B3GALNT2: variants seen among roughly 807,000 people sequenced by gnomAD.
The protein encoded by B3GALNT2 is UDP-GalNAc:beta-1,3-N-acetylgalactosaminyltransferase 2.
In B3GALNT2, 53 loss-of-function variants were observed where a neutral mutation model predicts 61.1. The observed-to-expected ratio is 0.87, with a 90% confidence interval of 0.70 to 1.09. The LOEUF (loss-of-function observed/expected upper bound fraction) is 1.09, where lower values mean the gene tolerates loss of function less well. Among genes scored for constraint, B3GALNT2 ranks in the 50% least tolerant of loss-of-function variants. B3GALNT2 has a pLI of 0.00. For synonymous variants in B3GALNT2, 223 were observed against 237.4 expected (o/e 0.94, Z 0.56); for missense variants, 544 against 623.0 (o/e 0.87, Z 1.35).
At chr1:235,471,025 T>C in intron 5 of B3GALNT2, 65 bp from the exon 6 acceptor site, 1 of 1,564,900 alleles carries the variant, frequency 6.4e-7, no homozygotes, top group Non-Finnish European at 8.7e-7. Flanking sequence ...TTAAGTATGC[T>C]TTCAGGCAAG....
At chr1:235,475,100 G>A (rs756819983) in intron 5 of B3GALNT2, among the ~76,000 whole-genome samples, 6 of 146,144 alleles carry the variant, frequency 4.1e-5, no homozygotes, top group Non-Finnish European at 9.0e-5. Context: ...CCAGGTTCAA[G>A]TGATTCTCCT....
chr1:235,466,921 T>C (rs571308797), intron 6 of B3GALNT2, among the ~76,000 whole-genome samples: 7 of 152,198 alleles, frequency 4.6e-5, no homozygotes, highest in African/African-American at 7.2e-5. Context: ...TTCTACACCT[T>C]CATTTAATCA....
Position 235,492,984 on chromosome 1 carries a change from G to A in B3GALNT2, c.260+1697C>T, listed in dbSNP as rs75091411. Among the ~76,000 whole-genome samples, 3 of 152,328 alleles carry A rather than the reference G, an allele frequency of 2.0e-5. No homozygotes were observed. In the East Asian group the frequency reaches 5.8e-4, roughly 29 times the overall value. On this transcript the variant is annotated intron_variant, in intron 2 of 11. Coordinates refer to ENST00000366600, the MANE Select transcript of B3GALNT2 (RefSeq NM_152490.5). The stretch of plus-strand genomic sequence containing the variant: ...ACTCTGAGCAAGAAAGGAGGTCAAT[G>A]GAGGGGTATGAATAGAGAATTGACA...
intron 5 of B3GALNT2, among the ~76,000 whole-genome samples, chr1:235,476,980 A>G (rs1684316089): frequency 6.6e-6 from 1 of 151,816 alleles, no homozygotes. Context: ...AGCTATGATC[A>G]TGCCACTGGA....
chr1:235,450,495 G>A, intron 11 of B3GALNT2, 155 bp from the exon 12 acceptor site: 1 of 865,232 alleles, frequency 1.2e-6, no homozygotes, highest in East Asian at 2.7e-5. Flanking sequence ...GTTTGGGGGT[G>A]GCACCTCCTG....
rs997345764 is a variant in B3GALNT2, at chr1:235,504,210, C to A, written c.43G>T (p.Ala15Ser). ...LVLLCPCVLG[A>S]ALHLWLRLRS... is the part of the protein sequence containing the mutation. ...AGCCGCAGCCAGAGGTGCAGCGCGG[C>A]CCCGAGCACACACGGGCACAGCAGC... Residue 15 changes from alanine (A) to serine (S), a missense_variant, in exon 1 of 12, where the codon GCC (alanine) becomes TCC (serine). Transcript: ENST00000366600. The A allele has an allele frequency of 6.9e-7, 1 of 1,453,434 alleles. No homozygotes were observed. The highest frequency in any genetic ancestry group is 1.3e-5 in the South Asian group (1 of 75,684). 90.0% of individuals were successfully genotyped at this position (1,453,434 alleles called of 1,614,324 possible).
At chr1:235,468,225 T>C (rs1037223805) in intron 6 of B3GALNT2, among the ~76,000 whole-genome samples, 1 of 152,254 alleles carries the variant, frequency 6.6e-6, no homozygotes, top group Non-Finnish European at 1.5e-5. Flanking sequence ...GGCAAGGGAA[T>C]AAAGCTTAGT....
intron 2 of B3GALNT2, among the ~76,000 whole-genome samples, chr1:235,490,249 G>A (rs1243279768): frequency 6.0e-5 from 9 of 150,034 alleles, no homozygotes; most frequent in Admixed American, 6.0e-4. Flanking sequence ...CTTTTTTTTT[G>A]AGACAGAGTC....
intron 8 of B3GALNT2, among the ~76,000 whole-genome samples, chr1:235,456,250 G>C (rs539869306): frequency 7.2e-5 from 11 of 152,290 alleles, no homozygotes; most frequent in African/African-American, 2.6e-4. Context: ...CCTTCTGGAA[G>C]GCAAAGGATA....
In B3GALNT2 at chr1:235,493,296, CATT is replaced by C. The variant is rs140071878; in HGVS notation, c.260+1382_260+1384del. 3.1e-3 allele frequency among the ~76,000 whole-genome samples: 467 copies of C among 152,218 alleles called. 2 individuals carry two copies. The highest frequency in any genetic ancestry group is 0.011 in the African/African-American group (440 of 41,516). On this transcript the variant is annotated intron_variant, in intron 2 of 11. Coordinates refer to ENST00000366600, the MANE Select transcript of B3GALNT2 (RefSeq NM_152490.5). The stretch of plus-strand genomic sequence containing the variant: ...TGGTCTGAGCAACTGGTGGAGGAGT[CATT>C]ATTTTCTAACAGGGAAATACTACAG...
chr1:235,448,599 A>AAGAGT lies in B3GALNT2; in HGVS notation c.*1602_*1606dup, dbSNP rs1337290502. On this transcript the variant is annotated 3_prime_UTR_variant, in exon 12 of 12. Coordinates refer to ENST00000366600, the MANE Select transcript of B3GALNT2 (RefSeq NM_152490.5). Reference sequence around the variant, plus strand: ...CTACTGCCTGGGGACGGGGTGGGGGAAGAGTATGTGTAGCATGCTTTATCG... The same window carrying AAGAGT: ...CTACTGCCTGGGGACGGGGTGGGGGAAGAGTAGAGTATGTGTAGCATGCTTTATCG... 1 of 1,420,664 alleles carries AAGAGT rather than the reference A, an allele frequency of 7.0e-7. No individual in the cohort carries two copies. Among genetic ancestry groups the AAGAGT allele is most frequent in the Admixed American group, 1.7e-5 (1 of 59,722 alleles). The allele number at this position is 1,420,664 out of a possible 1,614,324, so 88.0% of individuals were successfully genotyped here.
At chr1:235,502,604 G>C (rs934692286) in intron 1 of B3GALNT2, among the ~76,000 whole-genome samples, 7 of 152,146 alleles carry the variant, frequency 4.6e-5, no homozygotes, top group Non-Finnish European at 8.8e-5. Flanking sequence ...GCAGATAAAG[G>C]CATCATCCTT....
rs745397097 is a variant in B3GALNT2, at chr1:235,504,301, G to T, written c.-49C>A. 9 of 1,471,620 alleles carry T rather than the reference G, an allele frequency of 6.1e-6. No individual in the cohort carries two copies. The highest frequency in any genetic ancestry group is 2.2e-4 in the Middle Eastern group (1 of 4,446). 91.2% of individuals were successfully genotyped at this position (1,471,620 alleles called of 1,614,324 possible). A position where few individuals can be genotyped will look rare whatever the true frequency, so the allele number is the denominator to read the frequency against. On this transcript the variant is annotated 5_prime_UTR_variant, in exon 1 of 12. Coordinates refer to ENST00000366600, the MANE Select transcript of B3GALNT2 (RefSeq NM_152490.5). ...GCTCTCCCGCGTCCCGGCGGAGAGG[G>T]AGGGGACCTGCAAGTGCGGAGACTG...
In B3GALNT2 at chr1:235,458,730, T is replaced by C. The variant is rs1433890771; in HGVS notation, c.898A>G (p.Ile300Val). ...GCATCTTCCTCATGGAGATTCCTTA[T>C]ATGATCAATAAGTCTTTGAGGGCGA... The part of the protein sequence containing the change: ...HSRPQRLIDH[I>V]RNLHEEDALL... Residue 300 changes from isoleucine to valine, a missense_variant, in exon 8 of 12, where the codon ATA (isoleucine) becomes GTA (valine). Physicochemically the swap from Ile to Val is conservative, Grantham distance 29. Transcript: ENST00000366600. The C allele has an allele frequency of 5.0e-6, 8 of 1,612,468 alleles. No homozygotes were observed. The highest frequency in any genetic ancestry group is 1.3e-5 in the African/African-American group (1 of 74,846).
In B3GALNT2 at chr1:235,470,918, C is replaced by T. The variant is rs775573521; in HGVS notation, c.694G>A (p.Gly232Ser). 31 of 1,614,038 alleles carry T rather than the reference C, an allele frequency of 1.9e-5. No homozygotes were observed. The highest frequency in any genetic ancestry group is 2.5e-5 in the Non-Finnish European group (30 of 1,179,994). Residue 232 changes from glycine to serine, a missense_variant, in exon 6 of 12, where the codon GGC (glycine) becomes AGC (serine). Coordinates refer to ENST00000366600, the MANE Select transcript of B3GALNT2 (RefSeq NM_152490.5). ...TTGTGGAGATTTCTTGACACAAGGC[C>T]GTGGAGGTCTTGGCTCTCCCACACG... ...TIVWESQDLH[G>S]LVSRNLHKVT... is the part of the protein sequence containing the mutation.
intron 2 of B3GALNT2, 63 bp from the exon 3 acceptor site, chr1:235,489,331 C>A: frequency 6.3e-7 from 1 of 1,595,938 alleles, no homozygotes; most frequent in Non-Finnish European, 8.5e-7. Flanking sequence ...CACGTTTCCT[C>A]ATGCCCATTT....
chr1:235,500,634 CAT>C (rs1263911431), intron 1 of B3GALNT2, among the ~76,000 whole-genome samples: 2 of 152,218 alleles, frequency 1.3e-5, no homozygotes, highest in Non-Finnish European at 2.9e-5. Context: ...ATGAAGAAAA[CAT>C]GTGAGCCTGT....
At chr1:235,440,729 C>G in the B3GALNT2 span, 2 of 152,164 alleles carry the variant, frequency 1.3e-5, no homozygotes. Context: ...CCAGGTAATT[C>G]TAGTGAATAG....
intron 3 of B3GALNT2, among the ~76,000 whole-genome samples, chr1:235,485,963 C>A (rs1304294343): frequency 6.6e-6 from 1 of 152,074 alleles, no homozygotes; most frequent in Non-Finnish European, 1.5e-5. Flanking sequence ...TGGTGGCACA[C>A]ACCTGTAATC....
Sources: allele counts gnomAD v4.1 joint callset (sites outside exome capture counted in the v4.1 genomes callset), GRCh38; gene constraint gnomAD v4.1.1; transcripts MANE v1.5; gene names NCBI Gene and HGNC (gene_info 2026-07-23, HGNC 2026-07-21).